Variants in NFIC observed in about 807,000 individuals in gnomAD.
NFIC encodes the protein nuclear factor I C.
In NFIC, 12 loss-of-function variants were observed where a neutral mutation model predicts 54.4. The ratio of observed to expected loss-of-function variants is 0.22; its 90% CI spans 0.14 to 0.36. The LOEUF is 0.36. NFIC is among the 10% of genes least tolerant of loss of function. The pLI is 1.00. For synonymous variants in NFIC, 322 were observed against 319.2 expected, an observed-to-expected ratio of 1.01 and a Z score of -0.09; for missense variants, 575 against 718.2, an observed-to-expected ratio of 0.80 and a Z score of 2.28.
intron 1 of NFIC, among the ~76,000 whole-genome samples, chr19:3,366,892 G>C (rs1442485558): frequency 6.7e-6 from 1 of 150,294 alleles, no homozygotes; most frequent in African/African-American, 2.5e-5. Context: ...CGGGACTCCC[G>C]CCCAGCACCC....
intron 2 of NFIC, among the ~76,000 whole-genome samples, chr19:3,399,876 A>C (rs1392880016): frequency 1.3e-5 from 2 of 151,702 alleles, no homozygotes; most frequent in East Asian, 3.9e-4. Context: ...ATCTCAAAAA[A>C]TAAATAAGTA....
intron 6 of NFIC, among the ~76,000 whole-genome samples, chr19:3,442,675 C>A (rs1040406868): frequency 7.9e-5 from 12 of 152,088 alleles, no homozygotes; most frequent in Non-Finnish European, 1.6e-4. Flanking sequence ...GTGTGAGCCA[C>A]CGAGCCCAGC....
At chr19:3,413,639 CATTA>C (rs1442874737) in intron 2 of NFIC, among the ~76,000 whole-genome samples, 1 of 151,994 alleles carries the variant, frequency 6.6e-6, no homozygotes, top group African/African-American at 2.4e-5. Flanking sequence ...ACTCACTGCG[CATTA>C]ATTTGTTGTT....
At chr19:3,434,562 C>T (rs2082169076) in intron 5 of NFIC, among the ~76,000 whole-genome samples, 162 bp downstream of exon 5, 2 of 152,148 alleles carry the variant, frequency 1.3e-5, no homozygotes, top group South Asian at 4.1e-4. Context: ...CCCAGCCAGC[C>T]CCACGTGCCT....
At chr19:3,390,846 G>C (rs1480760106) in intron 2 of NFIC, among the ~76,000 whole-genome samples, 2 of 151,938 alleles carry the variant, frequency 1.3e-5, no homozygotes, top group Non-Finnish European at 2.9e-5. Flanking sequence ...AAGTAGGATG[G>C]GGGGTGCCAG....
chr19:3,390,862 G>C (rs1375142549), intron 2 of NFIC, among the ~76,000 whole-genome samples: 1 of 151,818 alleles, frequency 6.6e-6, no homozygotes, highest in East Asian at 1.9e-4. Flanking sequence ...GCCAGGGGCT[G>C]GGGAGGGGGC....
chr19:3,386,118 G>A lies in NFIC; in HGVS notation c.562+3875G>A, dbSNP rs76299195. 5.5e-3 allele frequency among the ~76,000 whole-genome samples: 840 copies of A among 151,880 alleles called. 3 individuals are homozygous for A. Among genetic ancestry groups the A allele is most frequent in the Middle Eastern group, 0.014 (4 of 294 alleles). On this transcript the variant is annotated intron_variant, in intron 2 of 10. Coordinates refer to ENST00000443272, the MANE Select transcript of NFIC (RefSeq NM_001245002.2). ...AACCCCAACTCCGGCTGGGTGTGGTGGCTCATGCCTGTAATCCCAGCACTT... is the reference window on the plus strand; with the variant it reads ...AACCCCAACTCCGGCTGGGTGTGGTAGCTCATGCCTGTAATCCCAGCACTT...
intron 1 of NFIC, among the ~76,000 whole-genome samples, chr19:3,373,236 C>T (rs1430627837): frequency 6.6e-5 from 10 of 152,222 alleles, no homozygotes; most frequent in African/African-American, 2.4e-4. Flanking sequence ...CCTCCTGGCC[C>T]CTCTGGCTCA....
At chr19:3,422,772 G>A (rs1002766589) in intron 2 of NFIC, among the ~76,000 whole-genome samples, 2 of 151,964 alleles carry the variant, frequency 1.3e-5, no homozygotes, top group Admixed American at 6.6e-5. Flanking sequence ...GGGTCTTGGA[G>A]ACAGTACTTG....
At chr19:3,436,531 A>C (rs932000515) in intron 6 of NFIC, among the ~76,000 whole-genome samples, 5 of 149,048 alleles carry the variant, frequency 3.4e-5, no homozygotes, top group Non-Finnish European at 7.4e-5. Context: ...GCTGGAGTGC[A>C]GTGGCGAGAT....
intron 1 of NFIC, among the ~76,000 whole-genome samples, chr19:3,360,132 G>A (rs534661458): frequency 1.3e-4 from 19 of 146,106 alleles, no homozygotes; most frequent in Non-Finnish European, 2.1e-4. Flanking sequence ...GGCGGGGGTC[G>A]CGGCGGCCCC....
intron 2 of NFIC, among the ~76,000 whole-genome samples, chr19:3,385,613 C>G (rs1210750866): frequency 1.4e-5 from 2 of 139,528 alleles, no homozygotes; most frequent in African/African-American, 5.5e-5. Flanking sequence ...TGCTCTGTCT[C>G]CCAGGCTGGA....
chr19:3,445,766 C>T (rs1002911215), intron 6 of NFIC, among the ~76,000 whole-genome samples: 1 of 152,142 alleles, frequency 6.6e-6, no homozygotes, highest in African/African-American at 2.4e-5. Flanking sequence ...AAGGATGCAG[C>T]GATGCTGGGA....
intron 6 of NFIC, among the ~76,000 whole-genome samples, chr19:3,442,310 G>A (rs566375953): frequency 6.6e-6 from 1 of 152,134 alleles, no homozygotes; most frequent in Non-Finnish European, 1.5e-5. Flanking sequence ...GTCCACAGGC[G>A]GTTATTACAC....
intron 1 of NFIC, among the ~76,000 whole-genome samples, chr19:3,359,929 C>A (rs2080788421): frequency 6.7e-6 from 1 of 150,002 alleles, no homozygotes; most frequent in Admixed American, 6.6e-5. Context: ...GGGGGCCCCT[C>A]GCGGGCGCCG....
At chr19:3,366,703 C>T (rs1385665080) in intron 1 of NFIC, 37 bp downstream of exon 1, 2 of 1,321,466 alleles carry the variant, frequency 1.5e-6, no homozygotes, top group African/African-American at 3.1e-5. Context: ...GGCGCCCCCG[C>T]GCCCCCCGCA....
rs2082681702 is a variant in NFIC at position 3,464,059 on chromosome 19, C to T, written c.*1290C>T. On this transcript the variant is annotated 3_prime_UTR_variant, in exon 11 of 11. Transcript: ENST00000443272. Reference sequence around the variant, plus strand: ...CCCTGCCGGGGCGCGGGGGTGGGCTCTGGGGAAGCCGGTGCGCCCCCCACG... The same window carrying T: ...CCCTGCCGGGGCGCGGGGGTGGGCTTTGGGGAAGCCGGTGCGCCCCCCACG... 14 of 985,006 alleles carry T rather than the reference C, an allele frequency of 1.4e-5. No individual in the cohort carries two copies. In the South Asian group the frequency reaches 6.6e-4, roughly 46 times the overall value. The allele number at this position is 985,006 out of a possible 1,614,324, so 61.0% of individuals were successfully genotyped here.
chr19:3,433,473 A>G (rs2082152749), intron 3 of NFIC, 45 bp from the exon 4 acceptor site: 2 of 1,605,272 alleles, frequency 1.2e-6, no homozygotes, highest in Non-Finnish European at 1.7e-6. Context: ...GGGAAGGGAA[A>G]CAGGCCCAGC....
chr19:3,412,058 A>G (rs1158019230), intron 2 of NFIC, among the ~76,000 whole-genome samples: 2 of 152,204 alleles, frequency 1.3e-5, no homozygotes, highest in African/African-American at 4.8e-5. Flanking sequence ...ATCGTATACA[A>G]TTGGAAAAGA....
Sources: allele counts gnomAD v4.1 joint callset (sites outside exome capture counted in the v4.1 genomes callset), GRCh38; gene constraint gnomAD v4.1.1; transcripts MANE v1.5; gene names NCBI Gene and HGNC (gene_info 2026-07-23, HGNC 2026-07-21).